The following ROR1 variants were observed in gnomAD, a reference collection of about 807,000 sequenced individuals.
ROR1 encodes the protein inactive tyrosine-protein kinase transmembrane receptor ROR1.
ROR1 carries 19 observed loss-of-function variants against 78.8 expected under a neutral mutation model. The ratio of observed to expected loss-of-function variants is 0.24; its 90% confidence interval spans 0.17 to 0.35. The LOEUF (loss-of-function observed/expected upper bound fraction) is 0.35. Among genes scored for constraint, ROR1 ranks in the 10% least tolerant of loss-of-function variants. The pLI is 1.00. For missense variants in ROR1, 917 were observed against 1,177.8 expected, an observed-to-expected ratio of 0.78 and a Z score of 3.24; for synonymous variants, 386 against 433.6, an observed-to-expected ratio of 0.89 and a Z score of 1.36.
chr1:64,080,944 CTT>C (rs1348646446), intron 4 of ROR1, among the ~76,000 whole-genome samples: 2 of 152,206 alleles, frequency 1.3e-5, no homozygotes, highest in African/African-American at 4.8e-5. Flanking sequence ...CTAGGTTACT[CTT>C]ATGACCCTCT....
At chr1:64,165,999 G>A (rs1023168440) in intron 8 of ROR1, among the ~76,000 whole-genome samples, 4 of 152,048 alleles carry the variant, frequency 2.6e-5, no homozygotes, top group Admixed American at 6.6e-5. Flanking sequence ...AGCCACTAGG[G>A]TTTTACATTT....
chr1:64,123,972 T>C (rs953804991), intron 4 of ROR1, among the ~76,000 whole-genome samples: 1 of 152,158 alleles, frequency 6.6e-6, no homozygotes, highest in Non-Finnish European at 1.5e-5. Flanking sequence ...AAGTTGAATA[T>C]AATGGTAACT....
At chr1:64,162,172 TC>T (rs1649962504) in intron 8 of ROR1, among the ~76,000 whole-genome samples, 1 of 152,218 alleles carries the variant, frequency 6.6e-6, no homozygotes, top group Non-Finnish European at 1.5e-5. Context: ...TATTCTTTTT[TC>T]CCCTTGGCCA....
intron 1 of ROR1, among the ~76,000 whole-genome samples, chr1:63,933,060 T>C (rs1270311005): frequency 2.6e-5 from 4 of 152,160 alleles, no homozygotes; most frequent in Admixed American, 6.5e-5. Flanking sequence ...CCAGCCTTAA[T>C]TGACTTGTGT....
chr1:64,136,609 T>G (rs79241911), intron 4 of ROR1, among the ~76,000 whole-genome samples: 8,110 of 152,194 alleles, frequency 0.053, 705 homozygotes, highest in African/African-American at 0.18. Context: ...ACCTGGCACA[T>G]GAATCATGTC....
At chr1:63,817,323 C>T (rs1225373769) in intron 1 of ROR1, among the ~76,000 whole-genome samples, 1 of 152,136 alleles carries the variant, frequency 6.6e-6, no homozygotes, top group Non-Finnish European at 1.5e-5. Flanking sequence ...AGAGAAAGGA[C>T]TATTTTCAAA....
At position 63,775,941 on chromosome 1, in the gene ROR1, G is replaced by A. The variant is rs1644614025; in HGVS notation, c.91+1433G>A. The stretch of plus-strand genomic sequence containing the variant: ...AATCCTAATGAAATGTAAACAGCTT[G>A]GTCACATAGATGTTTTGCTTGGTGA... On this transcript the variant is annotated intron_variant, in intron 1 of 8. Transcript: ENST00000371079. Among the ~76,000 whole-genome samples the A allele has an allele frequency of 2.0e-5, 3 of 152,338 alleles. No homozygotes were observed. In the South Asian group the frequency reaches 6.2e-4, roughly 32 times the overall value.
At chr1:63,844,819 G>A (rs540130495) in intron 1 of ROR1, among the ~76,000 whole-genome samples, 9 of 152,116 alleles carry the variant, frequency 5.9e-5, no homozygotes, top group Non-Finnish European at 1.3e-4. Context: ...AGAATATATT[G>A]CAAATGGAAG....
chr1:64,137,321 T>C (rs1649146473), intron 4 of ROR1, 48 bp from the exon 5 acceptor site: 6 of 1,608,490 alleles, frequency 3.7e-6, no homozygotes, highest in Middle Eastern at 1.7e-4. Context: ...TGCTGTGCCC[T>C]GTATGTATGT....
intron 1 of ROR1, among the ~76,000 whole-genome samples, chr1:63,969,140 C>G (rs1646098853): frequency 6.6e-6 from 1 of 152,084 alleles, no homozygotes; most frequent in South Asian, 2.1e-4. Context: ...CTCATTCACT[C>G]ACAAAATATT....
At chr1:63,841,310 TCC>T (rs1645048155) in intron 1 of ROR1, among the ~76,000 whole-genome samples, 2 of 152,204 alleles carry the variant, frequency 1.3e-5, no homozygotes, top group African/African-American at 4.8e-5. Context: ...TTTTGTAAAT[TCC>T]TTTAAGGAAG....
At chr1:63,850,806 TGAA>T (rs1218147301) in intron 1 of ROR1, among the ~76,000 whole-genome samples, 1 of 152,160 alleles carries the variant, frequency 6.6e-6, no homozygotes, top group Non-Finnish European at 1.5e-5. Flanking sequence ...TCTAAGGAAT[TGAA>T]GAGACAAAGT....
chr1:64,034,735 A>C (rs1337748159), intron 2 of ROR1, among the ~76,000 whole-genome samples: 3 of 152,314 alleles, frequency 2.0e-5, no homozygotes, highest in African/African-American at 7.2e-5. Flanking sequence ...TCAGAGGGTC[A>C]GGGGATGTGT....
chr1:64,151,057 T>G (rs1649607990), intron 7 of ROR1, among the ~76,000 whole-genome samples: 3 of 152,194 alleles, frequency 2.0e-5, no homozygotes, highest in Admixed American at 6.5e-5. Flanking sequence ...GTTTTTTGGT[T>G]AAGCTTCTGG....
chr1:64,033,755 A>T (rs967340265), intron 2 of ROR1, among the ~76,000 whole-genome samples: 1 of 152,190 alleles, frequency 6.6e-6, no homozygotes, highest in African/African-American at 2.4e-5. Flanking sequence ...TTTGTATTTA[A>T]AATGTATAAT....
intron 1 of ROR1, among the ~76,000 whole-genome samples, chr1:63,884,945 G>A (rs1298921573): frequency 6.6e-6 from 1 of 152,014 alleles, no homozygotes; most frequent in Non-Finnish European, 1.5e-5. Context: ...GCCTTCATGT[G>A]AATCCAAGCG....
chr1:64,033,866 A>G (rs1646680258), intron 2 of ROR1, among the ~76,000 whole-genome samples: 1 of 152,242 alleles, frequency 6.6e-6, no homozygotes. Context: ...AGGTAATACT[A>G]GAGCTTGGAG....
chr1:63,870,243 T>C (rs1206547509), intron 1 of ROR1, among the ~76,000 whole-genome samples: 1 of 152,158 alleles, frequency 6.6e-6, no homozygotes, highest in African/African-American at 2.4e-5. Flanking sequence ...TGCTCTCAAG[T>C]TTAATCATGT....
chr1:64,109,230 A>C (rs1205322958), intron 4 of ROR1, among the ~76,000 whole-genome samples: 1 of 152,198 alleles, frequency 6.6e-6, no homozygotes, highest in African/African-American at 2.4e-5. Flanking sequence ...TAGACCTTAT[A>C]GATCAGCTCC....
Sources: allele counts gnomAD v4.1 joint callset (sites outside exome capture counted in the v4.1 genomes callset), GRCh38; gene constraint gnomAD v4.1.1; transcripts MANE v1.5; gene names NCBI Gene and HGNC (gene_info 2026-07-23, HGNC 2026-07-21).